CEP63: variants seen among roughly 807,000 people sequenced by gnomAD.
The protein encoded by CEP63 is centrosomal protein of 63 kDa.
CEP63 carries 84 observed loss-of-function variants against 89.1 expected under a neutral mutation model. The observed-to-expected ratio is 0.94, with a 90% CI of 0.79 to 1.13. CEP63 has a LOEUF of 1.13. Ranked by LOEUF, CEP63 falls within the 50% of genes most tolerant of loss-of-function variation. The pLI is 0.00. For synonymous variants in CEP63, 267 were observed against 272.5 expected (o/e 0.98, Z 0.20); for missense variants, 838 against 813.3 (o/e 1.03, Z -0.37).
chr3:134,713,149 C>A, the CEP63 span, among the ~76,000 whole-genome samples: 19 of 152,292 alleles, frequency 1.2e-4, no homozygotes, highest in East Asian at 1.4e-3. Context: ...TTCTCCTACC[C>A]CAAGGTCCTG....
the CEP63 span, among the ~76,000 whole-genome samples, chr3:134,703,295 CAAA>C: frequency 1.1e-3 from 82 of 77,618 alleles, no homozygotes; most frequent in East Asian, 6.1e-3. Flanking sequence ...GACTCCGTCT[CAAA>C]AAAAAAAAAA....
Position 134,537,178 on chromosome 3 carries a change from C to A in CEP63, c.465C>A (p.Asp155Glu). Residue 155 changes from aspartate to glutamate, a missense_variant, in exon 6 of 15, where the codon GAC becomes GAA. Transcript: ENST00000675561. Reference sequence around the variant, plus strand: ...AGGAATTCCGTCAGAAATCGCTGGACTGGGAGAAGCAACGCTTGATTTATC... The same window carrying A: ...AGGAATTCCGTCAGAAATCGCTGGAATGGGAGAAGCAACGCTTGATTTATC... ...KIEEFRQKSL[D>E]WEKQRLIYQQ... 6.2e-7 allele frequency: 1 copy of A among 1,613,552 alleles called. No individual in the cohort carries two copies. The highest frequency in any genetic ancestry group is 8.5e-7 in the Non-Finnish European group (1 of 1,179,460).
At chr3:134,618,657 G>C in the CEP63 span, among the ~76,000 whole-genome samples, 1 of 152,058 alleles carries the variant, frequency 6.6e-6, no homozygotes, top group African/African-American at 2.4e-5. Flanking sequence ...CCAGAGTGCT[G>C]AAAATGGAGC....
the CEP63 span, among the ~76,000 whole-genome samples, chr3:134,736,534 T>C: frequency 6.6e-6 from 1 of 152,042 alleles, no homozygotes; most frequent in African/African-American, 2.4e-5. Context: ...GAAAATGCAA[T>C]TTAAAAAATA....
intron 6 of CEP63, among the ~76,000 whole-genome samples, chr3:134,540,471 AT>A (rs1278735402): frequency 6.6e-6 from 1 of 152,154 alleles, no homozygotes; most frequent in East Asian, 1.9e-4. Flanking sequence ...ACCTTCAAAT[AT>A]TTTAATATAT....
At chr3:134,624,994 G>A in the CEP63 span, 360 of 1,452,968 alleles carry the variant, frequency 2.5e-4, 1 homozygote, top group South Asian at 1.4e-3. Flanking sequence ...AGGTTTTGCT[G>A]CCCTAGAACT....
intron 12 of CEP63, among the ~76,000 whole-genome samples, chr3:134,557,505 A>G (rs1383907564): frequency 5.3e-5 from 8 of 151,328 alleles, no homozygotes; most frequent in Admixed American, 5.3e-4. Context: ...AAAATCACCC[A>G]GACTACCATT....
chr3:134,710,109 C>G, the CEP63 span, among the ~76,000 whole-genome samples: 1 of 152,198 alleles, frequency 6.6e-6, no homozygotes, highest in African/African-American at 2.4e-5. Flanking sequence ...CCCAGCTGGC[C>G]TGGGACCTCA....
chr3:134,584,174 C>T (rs1001317334), intron 10 of CEP63, among the ~76,000 whole-genome samples: 1 of 152,148 alleles, frequency 6.6e-6, no homozygotes, highest in Non-Finnish European at 1.5e-5. Flanking sequence ...TTATTTCTTT[C>T]TCTTGCCTGA....
rs531019647 is a variant in CEP63 at position 134,557,982 on chromosome 3, C to T, written c.1468-160C>T. The stretch of plus-strand genomic sequence containing the variant: ...TCCACTACCATTTACTTGAAGAATT[C>T]TTTATCTCTGTTAGTCTTAGGAGGC... On this transcript the variant is annotated intron_variant, in intron 12 of 14. Transcript: ENST00000675561. 3.3e-5 allele frequency among the ~76,000 whole-genome samples: 5 copies of T among 152,278 alleles called. No individual in the cohort carries two copies. The South Asian group carries it at 6.2e-4, about 19-fold the overall frequency.
chr3:134,776,353 A>G, the CEP63 span, among the ~76,000 whole-genome samples: 5 of 152,384 alleles, frequency 3.3e-5, no homozygotes, highest in South Asian at 6.2e-4. Flanking sequence ...TCAATGTATT[A>G]AAAATCACCA....
Position 134,549,777 on chromosome 3 carries a change from A to G in CEP63, c.1183-286A>G, listed in dbSNP as rs9289478. 0.63 allele frequency among the ~76,000 whole-genome samples: 96,316 copies of G among 152,004 alleles called. 31,235 individuals are homozygous for G. The highest frequency in any genetic ancestry group is 0.81 in the East Asian group (4,190 of 5,172). On this transcript the variant is annotated intron_variant, in intron 10 of 14. Coordinates refer to ENST00000675561, the MANE Select transcript of CEP63 (RefSeq NM_001353108.3). The stretch of plus-strand genomic sequence containing the variant: ...ACTAAAAAAAAGAATGAAGGTCACA[A>G]GTACTCTCCTCTAAATTGTGTGCAT...
the CEP63 span, among the ~76,000 whole-genome samples, chr3:134,745,523 G>A: frequency 6.6e-6 from 1 of 152,134 alleles, no homozygotes; most frequent in Non-Finnish European, 1.5e-5. Context: ...GTGTTGCAGA[G>A]TTTTCTTTTT....
chr3:134,540,015 G>A (rs1234954379), intron 6 of CEP63, among the ~76,000 whole-genome samples: 4 of 152,264 alleles, frequency 2.6e-5, no homozygotes, highest in Admixed American at 2.6e-4. Context: ...TATATGCACT[G>A]TGAATGGGAA....
the CEP63 span, among the ~76,000 whole-genome samples, chr3:134,716,054 G>T: frequency 6.6e-6 from 1 of 151,442 alleles, no homozygotes; most frequent in Admixed American, 6.6e-5. Flanking sequence ...TACTTTCCCC[G>T]ACTCCTGTCT....
the CEP63 span, among the ~76,000 whole-genome samples, chr3:134,680,911 T>C: frequency 6.6e-6 from 1 of 152,226 alleles, no homozygotes; most frequent in Non-Finnish European, 1.5e-5. Context: ...ATCTTTCAAC[T>C]GTGGTGTCTT....
chr3:134,660,320 A>G, the CEP63 span, among the ~76,000 whole-genome samples: 1 of 152,344 alleles, frequency 6.6e-6, no homozygotes, highest in East Asian at 1.9e-4. Context: ...GGGGGCTTTG[A>G]AAAGGACTAA....
At chr3:134,527,675 A>T (rs1024205269) in intron 3 of CEP63, among the ~76,000 whole-genome samples, 20 of 152,262 alleles carry the variant, frequency 1.3e-4, no homozygotes, top group African/African-American at 4.8e-4. Context: ...GTGCATAGCC[A>T]TGGGGGCCAC....
chr3:134,528,569 C>CGTGTGTGCGTGTGTGTGT (rs1553763961), intron 3 of CEP63, among the ~76,000 whole-genome samples: 4 of 147,024 alleles, frequency 2.7e-5, no homozygotes. Flanking sequence ...TGTGTGTGTG[C>CGTGTGTGCGTGTGTGTGT]GTGTGTGTGT....
Sources: allele counts gnomAD v4.1 joint callset (sites outside exome capture counted in the v4.1 genomes callset), GRCh38; gene constraint gnomAD v4.1.1; transcripts MANE v1.5; gene names NCBI Gene and HGNC (gene_info 2026-07-23, HGNC 2026-07-21).